Variants in RPL7A observed in about 807,000 individuals in gnomAD.
RPL7A encodes the protein ribosomal protein L7a.
For synonymous variants in RPL7A, 158 were observed against 128.2 expected (o/e 1.23, Z -1.57); for missense variants, 291 against 338.2 (o/e 0.86, Z 1.09).
At position 133,348,225 on chromosome 9, in the gene RPL7A, T is replaced by G; in HGVS notation, c.-19T>G. 3.1e-6 allele frequency: 5 copies of G among 1,613,876 alleles called. No individual in the cohort carries two copies. Among genetic ancestry groups the G allele is most frequent in the Non-Finnish European group, 4.2e-6 (5 of 1,179,914 alleles). On this transcript the variant is annotated 5_prime_UTR_variant, in exon 1 of 8. Transcript: ENST00000323345. ...TACCCACAATTCCCTTTCCTTTCTC[T>G]CTCCTCCCGCCGCCCAAGATGGTGA...
At chr9:133,349,849 A>T in intron 3 of RPL7A, 63 bp from the exon 4 acceptor site, 1 of 1,592,868 alleles carries the variant, frequency 6.3e-7, no homozygotes, top group Non-Finnish European at 8.5e-7. Context: ...ATTTGTTATT[A>T]AGTGTTAAGT....
intron 6 of RPL7A, 57 bp downstream of exon 6, chr9:133,350,784 A>G (rs1004175758): frequency 1.2e-6 from 2 of 1,605,694 alleles, no homozygotes; most frequent in Non-Finnish European, 8.5e-7. Flanking sequence ...CATGCCTCAC[A>G]GTTGTTTCCT....
intron 1 of RPL7A, chr9:133,348,519 G>A (rs1325791782): frequency 2.5e-5 from 15 of 603,754 alleles, no homozygotes; most frequent in Admixed American, 3.0e-5. Flanking sequence ...ACCGCAGTGC[G>A]GGGCTCGGAG....
rs2129995174 is a variant in RPL7A, at chr9:133,350,649, T to C, written c.548T>C (p.Ile183Thr). ...LCRKMGVPYC[I>T]IKGKARLGRL... ...CGTAAAATGGGGGTCCCTTACTGCA[T>C]TATCAAGGGAAAGGCAAGACTGGGA... The change falls in exon 6 of 8, where the codon ATT becomes ACT. Residue 183 changes from isoleucine (I) to threonine (T), a missense_variant. By Grantham distance (89) the Ile-to-Thr change is moderately conservative. Coordinates refer to ENST00000323345, the MANE Select transcript of RPL7A (RefSeq NM_000972.3). The C allele has an allele frequency of 1.2e-6, 2 of 1,614,098 alleles. No individual in the cohort carries two copies. Among genetic ancestry groups the C allele is most frequent in the South Asian group, 1.1e-5 (1 of 91,084 alleles).
chr9:133,349,800 T>C, intron 3 of RPL7A, 100 bp downstream of exon 3: 2 of 1,580,824 alleles, frequency 1.3e-6, no homozygotes, highest in Admixed American at 1.8e-5. Context: ...ACTGCAGTTG[T>C]CATTAAATTA....
At chr9:133,349,279 G>A (rs1836311665) in intron 2 of RPL7A, 1 of 751,246 alleles carries the variant, frequency 1.3e-6, no homozygotes, top group Non-Finnish European at 2.3e-6. Context: ...CTGGAAACAA[G>A]TACAGTAGCA....
chr9:133,349,123 G>A lies in RPL7A; in HGVS notation c.124+81G>A, dbSNP rs1055525456. On this transcript the variant is annotated intron_variant, in intron 2 of 7. Transcript: ENST00000323345. ...TAATTGGGTTGTGTTGTATCTTGTA[G>A]GTTTTAGTGGGTGTAAAGTGGTCGC... is the stretch of plus-strand genomic sequence containing the variant. The A allele has an allele frequency of 2.7e-5, 42 of 1,527,530 alleles. No individual in the cohort carries two copies. In the African/African-American group the frequency reaches 5.0e-4, roughly 18 times the overall value. 94.6% of individuals were successfully genotyped at this position (1,527,530 alleles called of 1,614,324 possible). A position where few individuals can be genotyped will look rare whatever the true frequency, so the allele number is the denominator to read the frequency against.
chr9:133,350,549 T>A (rs377683044), intron 5 of RPL7A, 48 bp from the exon 6 acceptor site: 1 of 1,614,028 alleles, frequency 6.2e-7, no homozygotes, highest in Admixed American at 1.7e-5. Context: ...TAACTGAAAT[T>A]TGCTGCTTTT....
intron 4 of RPL7A, 61 bp from the exon 5 acceptor site, chr9:133,350,179 A>G: frequency 1.2e-6 from 2 of 1,612,018 alleles, no homozygotes; most frequent in Non-Finnish European, 8.5e-7. Context: ...AGCTGAGCCC[A>G]GCAGCTTCTT....
chr9:133,348,352 A>G, intron 1 of RPL7A, 106 bp downstream of exon 1: 1 of 1,482,240 alleles, frequency 6.7e-7, no homozygotes, highest in South Asian at 1.1e-5. Context: ...TCCTGGCGCT[A>G]GGAGAGCCCC....
Position 133,351,376 on chromosome 9 carries a change from G to A in RPL7A, c.*10G>A, listed in dbSNP as rs1254812175. 6.4e-6 allele frequency: 10 copies of A among 1,558,534 alleles called. No individual in the cohort carries two copies. The highest frequency in any genetic ancestry group is 8.8e-6 in the Non-Finnish European group (10 of 1,133,550). On this transcript the variant is annotated 3_prime_UTR_variant, in exon 8 of 8. Coordinates refer to ENST00000323345, the MANE Select transcript of RPL7A (RefSeq NM_000972.3). ...CACTAAACTGGGTTAAATGTACACT[G>A]TTGAGTTTTCTGTACATAAAAATAA...
chr9:133,350,141 A>C, intron 4 of RPL7A, 89 bp downstream of exon 4: 1 of 1,613,398 alleles, frequency 6.2e-7, no homozygotes. Context: ...GTGAAGAGTA[A>C]AACCGAGCTT....
chr9:133,349,193 C>A, intron 2 of RPL7A, 151 bp downstream of exon 2: 1 of 994,358 alleles, frequency 1.0e-6, no homozygotes, highest in Non-Finnish European at 1.5e-6. Context: ...ATGATACATG[C>A]TTCTTGCTTT....
At position 133,349,908 on chromosome 9, in the gene RPL7A, C is replaced by T. The variant is rs2129989670; in HGVS notation, c.275-4C>T. The T allele has an allele frequency of 3.6e-5, 58 of 1,610,162 alleles. 1 individual carries two copies. The Admixed American group carries it at 8.7e-4, about 24-fold the overall frequency. On this transcript the variant is annotated splice_polypyrimidine_tract_variant and splice_region_variant and intron_variant, in intron 3 of 7. Transcript: ENST00000323345. Reference sequence around the variant, plus strand: ...CAAGCCTAAACTGAAGAGTGTTTTTCCAGCTACTCAGCTGCTTAAGCTGGC... The same window carrying T: ...CAAGCCTAAACTGAAGAGTGTTTTTTCAGCTACTCAGCTGCTTAAGCTGGC...
chr9:133,350,809 C>A lies in RPL7A; in HGVS notation c.626+82C>A, dbSNP rs2129996206. Reference sequence around the variant, plus strand: ...AGTTGTTTCCTTTTGCCTTAAAGGCCAATCTTTTAGTTTAAGAAATATATT... The same window carrying A: ...AGTTGTTTCCTTTTGCCTTAAAGGCAAATCTTTTAGTTTAAGAAATATATT... On this transcript the variant is annotated intron_variant, in intron 6 of 7. Coordinates refer to ENST00000323345, the MANE Select transcript of RPL7A (RefSeq NM_000972.3). 7.3e-4 allele frequency: 1,154 copies of A among 1,581,796 alleles called. 1 individual carries two copies. Among genetic ancestry groups the A allele is most frequent in the Admixed American group, 1.2e-3 (74 of 59,736 alleles).
chr9:133,348,662 G>A (rs1426643197), intron 1 of RPL7A: 5 of 688,350 alleles, frequency 7.3e-6, no homozygotes, highest in Non-Finnish European at 1.3e-5. Context: ...GGTGTCTCCT[G>A]GGTGGGCGAC....
intron 3 of RPL7A, 47 bp from the exon 4 acceptor site, chr9:133,349,865 G>C (rs2129989139): frequency 3.7e-6 from 6 of 1,603,134 alleles, no homozygotes; most frequent in Non-Finnish European, 2.6e-6. Flanking sequence ...TAAGTGACAA[G>C]GATTAGAACC....
chr9:133,349,186 A>C, intron 2 of RPL7A, 144 bp downstream of exon 2: 1 of 1,016,604 alleles, frequency 9.8e-7, no homozygotes, highest in Admixed American at 2.0e-5. Flanking sequence ...GGGGGCAATG[A>C]TACATGCTTC....
At chr9:133,351,160 G>C in intron 7 of RPL7A, 89 bp downstream of exon 7, 1 of 1,543,886 alleles carries the variant, frequency 6.5e-7, no homozygotes, top group Non-Finnish European at 8.9e-7. Context: ...AGTTCTATCT[G>C]ACGATCAGCT....
Sources: allele counts gnomAD v4.1 joint callset, GRCh38; gene constraint gnomAD v4.1.1; transcripts MANE v1.5; gene names NCBI Gene and HGNC (gene_info 2026-07-23, HGNC 2026-07-21).